PXDC1: variants seen among roughly 807,000 people sequenced by gnomAD.
The protein encoded by PXDC1 is PX domain containing 1, also known as PX domain-containing protein 1.
In PXDC1, 13 loss-of-function variants were observed where a neutral mutation model predicts 24.4. That is an observed-to-expected ratio of 0.53 (90% confidence interval 0.35 to 0.85). The LOEUF is 0.85. PXDC1 is among the 40% of genes least tolerant of loss of function. The probability of loss-of-function intolerance (pLI) is 0.01; values close to 1 mark genes in which losing one functional copy is unlikely to be tolerated. For missense variants in PXDC1, 344 were observed against 309.3 expected (o/e 1.11, Z -0.84); for synonymous variants, 162 against 124.9 (o/e 1.30, Z -1.98).
intron 1 of PXDC1, among the ~76,000 whole-genome samples, chr6:3,744,720 G>A (rs1357955509): frequency 1.3e-5 from 2 of 152,040 alleles, no homozygotes; most frequent in Non-Finnish European, 2.9e-5. Flanking sequence ...TATTTGAGAC[G>A]AAGTCTCGCT....
At chr6:3,739,943 T>A (rs1760417387) in intron 1 of PXDC1, among the ~76,000 whole-genome samples, 1 of 152,224 alleles carries the variant, frequency 6.6e-6, no homozygotes, top group Non-Finnish European at 1.5e-5. Flanking sequence ...AAGTTGTTTT[T>A]AAAGAGAAGA....
At chr6:3,750,439 G>GCCCCTCTCCTCGGCCTGC (rs1760677488) in intron 1 of PXDC1, among the ~76,000 whole-genome samples, 1 of 151,968 alleles carries the variant, frequency 6.6e-6, no homozygotes, top group Admixed American at 6.6e-5. Context: ...CTCCCAGGCG[G>GCCCCTCTCCTCGGCCTGC]CCCCTCTCCT....
At chr6:3,738,240 G>C (rs1760373353) in intron 1 of PXDC1, 92 bp from the exon 2 acceptor site, 2 of 940,966 alleles carry the variant, frequency 2.1e-6, no homozygotes, top group African/African-American at 1.6e-5. Context: ...CAAACCGCCA[G>C]GGTCGTCATC....
In PXDC1 at chr6:3,738,157, G is replaced by A. The variant is rs1760371217; in HGVS notation, c.257-9C>T. The A allele has an allele frequency of 6.2e-7, 1 of 1,608,818 alleles. No homozygotes were observed. The highest frequency in any genetic ancestry group is 1.7e-5 in the Admixed American group (1 of 59,988). ...CTTTATGGCAACCAGTCCTAGAATT[G>A]AGACAGAAATGCTCAAAGTCAGAAT... On this transcript the variant is annotated splice_polypyrimidine_tract_variant and intron_variant, in intron 1 of 4. Coordinates refer to ENST00000380283, the MANE Select transcript of PXDC1 (RefSeq NM_183373.4).
chr6:3,750,185 G>A (rs1760668915), intron 1 of PXDC1, among the ~76,000 whole-genome samples: 1 of 152,226 alleles, frequency 6.6e-6, no homozygotes. Context: ...CATCGCCAGG[G>A]GAAAGCACAG....
chr6:3,745,691 C>T (rs1180240251), intron 1 of PXDC1, among the ~76,000 whole-genome samples: 1 of 152,164 alleles, frequency 6.6e-6, no homozygotes, highest in Non-Finnish European at 1.5e-5. Context: ...GCTGACCCCT[C>T]CTACCATGAC....
chr6:3,737,752 AG>A lies in PXDC1; in HGVS notation c.348+304del. On this transcript the variant is annotated intron_variant, in intron 2 of 4. Transcript: ENST00000380283. The surrounding 1 kb of genome is among the most constrained non-coding windows in gnomAD (Gnocchi z 5.5). Reference sequence around the variant, plus strand: ...GATTCTGAGCAGAGGCAGAAAGCAAAGGCCTCCTGCAGCCAGAGGGGATCCG... The same window carrying A: ...GATTCTGAGCAGAGGCAGAAAGCAAAGCCTCCTGCAGCCAGAGGGGATCCG... 3.3e-6 allele frequency: 3 copies of A among 919,404 alleles called. No individual in the cohort carries two copies. Among genetic ancestry groups the A allele is most frequent in the Non-Finnish European group, 2.6e-6 (2 of 769,666 alleles). The allele number at this position is 919,404 out of a possible 1,614,324, so 57.0% of individuals were successfully genotyped here. A position where few individuals can be genotyped will look rare whatever the true frequency, so the allele number is the denominator to read the frequency against.
At position 3,742,475 on chromosome 6, in the gene PXDC1, C is replaced by G. The variant is rs141707887; in HGVS notation, c.257-4327G>C. On this transcript the variant is annotated intron_variant, in intron 1 of 4. Coordinates refer to ENST00000380283, the MANE Select transcript of PXDC1 (RefSeq NM_183373.4). ...CCTGAGATCGCACGGATGAATACCG[C>G]AGGCAGGTGAAGAGGGTTGCCTATT... Among the ~76,000 whole-genome samples, 1,409 of 152,282 alleles carry G rather than the reference C, an allele frequency of 9.3e-3. 27 individuals carry two copies. Among genetic ancestry groups the G allele is most frequent in the African/African-American group, 0.032 (1,349 of 41,548 alleles).
At position 3,738,182 on chromosome 6, in the gene PXDC1, T is replaced by C. The variant is rs373341197; in HGVS notation, c.257-34A>G. The C allele has an allele frequency of 5.2e-6, 8 of 1,552,526 alleles. No homozygotes were observed. In the African/African-American group the frequency reaches 8.1e-5, roughly 16 times the overall value. On this transcript the variant is annotated intron_variant, in intron 1 of 4. Transcript: ENST00000380283. ...GAGACAGAAATGCTCAAAGTCAGAA[T>C]AGCACACCAGGAAACGCGCTCCCAA...
intron 1 of PXDC1, among the ~76,000 whole-genome samples, chr6:3,742,623 A>G (rs9503725): frequency 0.37 from 56,677 of 152,130 alleles, 12,763 homozygotes; most frequent in Non-Finnish European, 0.5. Flanking sequence ...CGCACGCTTA[A>G]GGAAGTTAGC....
At chr6:3,739,265 G>T in intron 1 of PXDC1, 1 of 458,650 alleles carries the variant, frequency 2.2e-6, no homozygotes, top group Non-Finnish European at 3.0e-6. Flanking sequence ...CCCAGACATA[G>T]GTCAAAGGCA....
chr6:3,726,605 TG>T (rs1179176320), intron 4 of PXDC1, among the ~76,000 whole-genome samples: 1 of 152,236 alleles, frequency 6.6e-6, no homozygotes, highest in African/African-American at 2.4e-5. Context: ...GGCCGCCGGC[TG>T]GGGCCCAGGT....
chr6:3,749,756 G>A (rs946068339), intron 1 of PXDC1, among the ~76,000 whole-genome samples: 9 of 152,176 alleles, frequency 5.9e-5, no homozygotes, highest in East Asian at 2.0e-4. Context: ...CAAGCACAAA[G>A]TTACAGGTGG....
At chr6:3,750,508 C>T (rs918934371) in intron 1 of PXDC1, among the ~76,000 whole-genome samples, 38 of 152,170 alleles carry the variant, frequency 2.5e-4, no homozygotes, top group African/African-American at 8.9e-4. Flanking sequence ...CTCTCTCTTG[C>T]GTCCTCCCGG....
chr6:3,746,763 G>T (rs1043624175), intron 1 of PXDC1, among the ~76,000 whole-genome samples: 28 of 152,062 alleles, frequency 1.8e-4, no homozygotes, highest in African/African-American at 6.8e-4. Flanking sequence ...CCATCGGGTG[G>T]GATTCTCCCT....
Position 3,727,603 on chromosome 6 carries a change from T to C in PXDC1, c.526A>G (p.Ser176Gly), listed in dbSNP as rs1337959450. ...ANTETIVIDH[S>G]IPNGRDQQLG... ...TGCTGGTCTCTTCCATTTGGTATAC[T>C]GTGGTCAATAACTATTGTTTCGGTA... Residue 176 changes from serine (S) to glycine (G), a missense_variant, in exon 4 of 5, where the codon AGT (serine) becomes GGT (glycine). Ser to Gly is a moderately conservative substitution (Grantham distance 56). Coordinates refer to ENST00000380283, the MANE Select transcript of PXDC1 (RefSeq NM_183373.4). The C allele has an allele frequency of 6.2e-7, 1 of 1,613,874 alleles. No individual in the cohort carries two copies.
chr6:3,745,369 A>G (rs1760542710), intron 1 of PXDC1, among the ~76,000 whole-genome samples: 1 of 152,232 alleles, frequency 6.6e-6, no homozygotes, highest in Non-Finnish European at 1.5e-5. Context: ...CAGCCCGTAT[A>G]TGCCCAGCTT....
At chr6:3,733,088 G>A (rs1353063097) in intron 3 of PXDC1, among the ~76,000 whole-genome samples, 1 of 152,222 alleles carries the variant, frequency 6.6e-6, no homozygotes, top group Non-Finnish European at 1.5e-5. Context: ...TGCCCAGAAT[G>A]ACCAAGAACT....
intron 1 of PXDC1, among the ~76,000 whole-genome samples, chr6:3,739,999 A>G (rs1198853654): frequency 1.3e-5 from 2 of 152,226 alleles, no homozygotes; most frequent in Admixed American, 1.3e-4. Flanking sequence ...ATTCTAAGAC[A>G]AGCAAAACTA....
Sources: allele counts gnomAD v4.1 joint callset (sites outside exome capture counted in the v4.1 genomes callset), GRCh38; gene constraint gnomAD v4.1.1; non-coding constraint Gnocchi (gnomAD v3.1); transcripts MANE v1.5; gene names NCBI Gene and HGNC (gene_info 2026-07-23, HGNC 2026-07-21).